NEK5: variants seen among roughly 807,000 people sequenced by gnomAD.
The protein encoded by NEK5 is serine/threonine-protein kinase Nek5.
Under a neutral mutation model 109.2 loss-of-function variants are expected in NEK5, and 88 were observed. That is an observed-to-expected ratio of 0.81 (90% CI 0.68 to 0.96). The LOEUF (loss-of-function observed/expected upper bound fraction) is 0.96. NEK5 is among the 40% of genes least tolerant of loss of function. NEK5 has a pLI of 0.00. For synonymous variants in NEK5, 283 were observed against 299.9 expected, an observed-to-expected ratio of 0.94 and a Z score of 0.58; for missense variants, 834 against 920.7, an observed-to-expected ratio of 0.91 and a Z score of 1.22.
intron 17 of NEK5, among the ~76,000 whole-genome samples, chr13:52,077,444 G>A (rs1247346422): frequency 1.3e-5 from 2 of 152,218 alleles, no homozygotes; most frequent in Admixed American, 6.5e-5. Flanking sequence ...CCTGTCTTGA[G>A]AGAGTTTGCA....
intron 20 of NEK5, among the ~76,000 whole-genome samples, chr13:52,069,613 T>C (rs558936676): frequency 3.9e-5 from 6 of 152,306 alleles, no homozygotes; most frequent in South Asian, 2.1e-4. Context: ...CCCGACCCCA[T>C]TACCCTCCAT....
At chr13:52,076,290 T>G in intron 17 of NEK5, 147 bp from the exon 18 acceptor site, 3 of 535,142 alleles carry the variant, frequency 5.6e-6, no homozygotes, top group Non-Finnish European at 9.8e-6. Context: ...GGGCAGAGTA[T>G]CCATTAACTT....
intron 12 of NEK5, among the ~76,000 whole-genome samples, chr13:52,095,625 C>T (rs1188581723): frequency 6.6e-6 from 1 of 152,178 alleles, no homozygotes; most frequent in Non-Finnish European, 1.5e-5. Flanking sequence ...CAGTGGCTCA[C>T]GCCTATAATC....
rs190313711 is a variant in NEK5 at position 52,039,879 on chromosome 13, C to T, written c.2229-2661G>A. ...CCCAATTCATGTGTTGAAACCTAAT[C>T]CTCAATGTGATAGTATTAAGGGGTG... On this transcript the variant is annotated intron_variant, in intron 23 of 23. Coordinates refer to ENST00000684899, the MANE Select transcript of NEK5 (RefSeq NM_001365552.1). Among the ~76,000 whole-genome samples, 360 of 152,090 alleles carry T rather than the reference C, an allele frequency of 2.4e-3. 2 individuals carry two copies. The highest frequency in any genetic ancestry group is 8.3e-3 in the African/African-American group (344 of 41,456).
chr13:52,079,777 G>T (rs1954944340), intron 17 of NEK5, among the ~76,000 whole-genome samples: 1 of 134,466 alleles, frequency 7.4e-6, no homozygotes, highest in Admixed American at 7.5e-5. Context: ...TGGGACGTGA[G>T]GAGCCCCTCT....
In NEK5 at chr13:52,101,915, T is replaced by A; in HGVS notation, c.892+18A>T. On this transcript the variant is annotated intron_variant, in intron 11 of 23. Coordinates refer to ENST00000684899, the MANE Select transcript of NEK5 (RefSeq NM_001365552.1). ...TGTGTAATAAATACTTTTGATTGCA[T>A]GCCAAAGTCACACTTACTCTGGACC... 1 of 1,597,246 alleles carries A rather than the reference T, an allele frequency of 6.3e-7. No individual in the cohort carries two copies. The highest frequency in any genetic ancestry group is 8.6e-7 in the Non-Finnish European group (1 of 1,164,604).
chr13:52,086,041 T>C (rs1189122235), intron 16 of NEK5, among the ~76,000 whole-genome samples: 1 of 152,228 alleles, frequency 6.6e-6, no homozygotes, highest in Non-Finnish European at 1.5e-5. Flanking sequence ...CTTTTAATAA[T>C]AGCCATTCCT....
intron 23 of NEK5, among the ~76,000 whole-genome samples, chr13:52,044,025 C>T: frequency 6.6e-6 from 1 of 152,190 alleles, no homozygotes; most frequent in East Asian, 1.9e-4. Context: ...GGCAGACTCA[C>T]CCTTAATCTG....
Position 52,075,840 on chromosome 13 carries a change from A to C in NEK5, c.1654-14T>G. On this transcript the variant is annotated splice_polypyrimidine_tract_variant and intron_variant, in intron 18 of 23. Coordinates refer to ENST00000684899, the MANE Select transcript of NEK5 (RefSeq NM_001365552.1). Reference sequence around the variant, plus strand: ...TTTTACCCCCTTCTAGGAGAAAGCAAAAAAAAAAAAAAAGTTTAGCAATTC... The same window carrying C: ...TTTTACCCCCTTCTAGGAGAAAGCACAAAAAAAAAAAAAGTTTAGCAATTC... 2.4e-6 allele frequency: 2 copies of C among 819,026 alleles called. No homozygotes were observed. The highest frequency in any genetic ancestry group is 1.8e-5 in the African/African-American group (1 of 55,104). 50.7% of individuals were successfully genotyped at this position (819,026 alleles called of 1,614,324 possible). A position where few individuals can be genotyped will look rare whatever the true frequency, so the allele number is the denominator to read the frequency against.
intron 12 of NEK5, among the ~76,000 whole-genome samples, chr13:52,094,910 A>C (rs2137955087): frequency 6.6e-6 from 1 of 152,328 alleles, no homozygotes; most frequent in East Asian, 1.9e-4. Context: ...TTATTTTTAA[A>C]ATATTTTCTT....
chr13:52,096,027 G>A (rs1243988919), intron 12 of NEK5, among the ~76,000 whole-genome samples: 5 of 152,032 alleles, frequency 3.3e-5, no homozygotes, highest in Admixed American at 6.6e-5. Flanking sequence ...AGTTTGTAGC[G>A]GCTACCCCTT....
intron 12 of NEK5, among the ~76,000 whole-genome samples, chr13:52,094,903 T>C (rs1955371199): frequency 6.6e-6 from 1 of 152,252 alleles, no homozygotes; most frequent in African/African-American, 2.4e-5. Flanking sequence ...TATATGTTTA[T>C]TTTTAAAATA....
intron 19 of NEK5, among the ~76,000 whole-genome samples, chr13:52,072,814 T>C (rs1368428656): frequency 6.6e-6 from 1 of 152,254 alleles, no homozygotes; most frequent in African/African-American, 2.4e-5. Context: ...GAGCATCAGG[T>C]ATAATTATTC....
intron 12 of NEK5, among the ~76,000 whole-genome samples, chr13:52,095,217 G>A (rs532561638): frequency 1.3e-5 from 2 of 152,280 alleles, no homozygotes; most frequent in Admixed American, 6.5e-5. Flanking sequence ...TTATAGGCGT[G>A]AGCCACTGCA....
In NEK5 at chr13:52,110,329, A is replaced by G. The variant is rs1202751922; in HGVS notation, c.467+11T>C. 1.3e-6 allele frequency: 2 copies of G among 1,574,154 alleles called. No individual in the cohort carries two copies. Among genetic ancestry groups the G allele is most frequent in the South Asian group, 2.2e-5 (2 of 89,172 alleles). ...TTGACTAGAAAGAAAAATTATTTTC[A>G]AAGTACTTACTTATTCAGGACTCTT... On this transcript the variant is annotated intron_variant, in intron 7 of 23. Transcript: ENST00000684899.
At chr13:52,058,694 C>A (rs1414585564) in intron 22 of NEK5, among the ~76,000 whole-genome samples, 4 of 151,778 alleles carry the variant, frequency 2.6e-5, no homozygotes, top group Non-Finnish European at 5.9e-5. Flanking sequence ...CAAAAACAAG[C>A]AATGGGGAAA....
At chr13:52,077,901 C>T (rs1156674034) in intron 17 of NEK5, among the ~76,000 whole-genome samples, 2 of 151,886 alleles carry the variant, frequency 1.3e-5, no homozygotes, top group Non-Finnish European at 2.9e-5. Context: ...ATGGTGAAAC[C>T]CTGTCTCTAT....
Position 52,101,928 on chromosome 13 carries a change from C to G in NEK5, c.892+5G>C, listed in dbSNP as rs370421971. Reference sequence around the variant, plus strand: ...CTTTTGATTGCATGCCAAAGTCACACTTACTCTGGACCACCTTCCCAGCAT... The same window carrying G: ...CTTTTGATTGCATGCCAAAGTCACAGTTACTCTGGACCACCTTCCCAGCAT... On this transcript the variant is annotated splice_donor_5th_base_variant and intron_variant, in intron 11 of 23. Coordinates refer to ENST00000684899, the MANE Select transcript of NEK5 (RefSeq NM_001365552.1). 404 of 1,611,454 alleles carry G rather than the reference C, an allele frequency of 2.5e-4. 3 individuals carry two copies. Among genetic ancestry groups the G allele is most frequent in the Non-Finnish European group, 3.7e-5 (43 of 1,177,674 alleles).
chr13:52,060,923 G>T (rs112112133), intron 22 of NEK5, among the ~76,000 whole-genome samples: 3 of 152,026 alleles, frequency 2.0e-5, no homozygotes, highest in African/African-American at 7.2e-5. Flanking sequence ...GGAGAGCAGT[G>T]ATCATAGTTC....
Sources: gnomAD v4.1 joint callset for allele counts (sites outside exome capture counted in the v4.1 genomes callset) on GRCh38, gnomAD v4.1.1 for gene constraint, MANE v1.5 for transcripts, NCBI Gene and HGNC (gene_info 2026-07-23, HGNC 2026-07-21) for gene names.